LRRC66: variants seen among roughly 807,000 people sequenced by gnomAD.
LRRC66 encodes the protein leucine rich repeat containing 66.
Under a neutral mutation model 24.6 loss-of-function variants are expected in LRRC66, and 29 were observed. That is an observed-to-expected ratio of 1.18 (90% CI 0.88 to 1.61). The LOEUF (loss-of-function observed/expected upper bound fraction) is 1.61. LRRC66 is among the 40% of genes most tolerant of loss of function. LRRC66 has a pLI of 0.00. For missense variants in LRRC66, 1,124 were observed against 1,058.0 expected (o/e 1.06, Z -0.87); for synonymous variants, 411 against 397.6 (o/e 1.03, Z -0.40).
rs1161854763 is a variant in LRRC66, at chr4:51,995,551, A to G, written c.1471T>C (p.Cys491Arg). ...CTTCCTGCCCCGGTGTTGTCCCCGC[A>G]CTGTCCTGGGCTCTGCGAACTGCCA... The part of the protein sequence containing the change: ...DPGSSQSPGQ[C>R]GDNTGAGSGN... The change falls in exon 5 of 5, where the codon TGC becomes CGC. Residue 491 changes from cysteine (C) to arginine (R), a missense_variant. Cys to Arg is a radical substitution (Grantham distance 180). Transcript: ENST00000682860. 6.2e-7 allele frequency: 1 copy of G among 1,614,024 alleles called. No individual in the cohort carries two copies. The highest frequency in any genetic ancestry group is 2.2e-5 in the East Asian group (1 of 44,866).
chr4:52,003,497 G>T, intron 2 of LRRC66, 105 bp from the exon 3 acceptor site: 1 of 920,918 alleles, frequency 1.1e-6, no homozygotes, highest in Non-Finnish European at 1.7e-6. Context: ...TCTCAATTGA[G>T]GTATTGTTAA....
At position 51,999,412 on chromosome 4, in the gene LRRC66, G is replaced by A. The variant is rs141655272; in HGVS notation, c.667-1475C>T. The stretch of plus-strand genomic sequence containing the variant: ...TTTTTTGTGAACTTGGGTAATAAGC[G>A]TGAGTTTTCCATTAATGAATAGCCA... On this transcript the variant is annotated intron_variant, in intron 3 of 4. Coordinates refer to ENST00000682860, the MANE Select transcript of LRRC66 (RefSeq NM_001024611.3). Among the ~76,000 whole-genome samples the A allele has an allele frequency of 7.9e-5, 12 of 152,208 alleles. No homozygotes were observed. The East Asian group carries it at 2.1e-3, about 27-fold the overall frequency.
intron 2 of LRRC66, among the ~76,000 whole-genome samples, chr4:52,007,167 C>T (rs1295772026): frequency 6.6e-6 from 1 of 151,920 alleles, no homozygotes; most frequent in East Asian, 1.9e-4. Context: ...AGGTTTATTC[C>T]ACCTTTATCT....
intron 1 of LRRC66, chr4:52,018,477 G>T: frequency 1.0e-6 from 1 of 985,388 alleles, no homozygotes; most frequent in Non-Finnish European, 1.2e-6. Context: ...GAGTTTCCAA[G>T]AAATTGTCCC....
intron 2 of LRRC66, among the ~76,000 whole-genome samples, chr4:52,006,737 A>AC (rs1391180428): frequency 6.8e-6 from 1 of 147,514 alleles, no homozygotes; most frequent in Non-Finnish European, 1.5e-5. Flanking sequence ...AAGAAAAAAA[A>AC]ACAAAAACAA....
chr4:52,004,287 C>G (rs1034948746), intron 2 of LRRC66, among the ~76,000 whole-genome samples: 6 of 152,226 alleles, frequency 3.9e-5, no homozygotes, highest in African/African-American at 9.6e-5. Flanking sequence ...GGATTACAGG[C>G]ATAAGCCGCC....
Position 51,994,919 on chromosome 4 carries a change from A to C in LRRC66, c.2103T>G (p.Ser701Arg). Residue 701 changes from serine to arginine, a missense_variant, in exon 5 of 5, where the codon AGT becomes AGG. Ser to Arg is a moderately radical substitution (Grantham distance 110). Coordinates refer to ENST00000682860, the MANE Select transcript of LRRC66 (RefSeq NM_001024611.3). ...TPSDTCCELE[S>R]DCDSDEGSLF... ...GAGACCCCTCATCAGAGTCACAGTC[A>C]CTCTCCAACTCACAGCAAGTGTCAG... 1 of 1,613,980 alleles carries C rather than the reference A, an allele frequency of 6.2e-7. No homozygotes were observed. Among genetic ancestry groups the C allele is most frequent in the African/African-American group, 1.3e-5 (1 of 74,976 alleles).
chr4:52,016,582 G>A (rs988645528), intron 2 of LRRC66, among the ~76,000 whole-genome samples: 1 of 152,090 alleles, frequency 6.6e-6, no homozygotes, highest in African/African-American at 2.4e-5. Context: ...TACCCTGTTA[G>A]AAACTAGGAT....
intron 2 of LRRC66, among the ~76,000 whole-genome samples, chr4:52,004,583 C>T (rs1425946686): frequency 6.6e-6 from 1 of 152,162 alleles, no homozygotes; most frequent in Non-Finnish European, 1.5e-5. Flanking sequence ...CCATATGGGT[C>T]TCAGAAGGAA....
intron 2 of LRRC66, among the ~76,000 whole-genome samples, chr4:52,008,361 T>C (rs954057078): frequency 6.6e-6 from 1 of 152,118 alleles, no homozygotes; most frequent in Non-Finnish European, 1.5e-5. Flanking sequence ...ATAAGTATAA[T>C]ATGCCTGAAA....
At position 51,996,671 on chromosome 4, in the gene LRRC66, G is replaced by A. The variant is rs1383103464; in HGVS notation, c.857-506C>T. On this transcript the variant is annotated intron_variant, in intron 4 of 4. Coordinates refer to ENST00000682860, the MANE Select transcript of LRRC66 (RefSeq NM_001024611.3). ...GTTTAAAAATTTTATTCATTCATTC[G>A]TTTTTGTTTAATGCCAACAGCATGT... 3.3e-5 allele frequency among the ~76,000 whole-genome samples: 5 copies of A among 152,204 alleles called. 1 individual carries two copies. Among genetic ancestry groups the A allele is most frequent in the South Asian group, 4.2e-4 (2 of 4,810 alleles).
chr4:52,005,404 C>T (rs547262355), intron 2 of LRRC66, among the ~76,000 whole-genome samples: 1 of 152,160 alleles, frequency 6.6e-6, no homozygotes, highest in East Asian at 1.9e-4. Flanking sequence ...GAAGCCGAAG[C>T]GGGTGAATCA....
At chr4:52,002,508 G>A (rs1488610770) in intron 3 of LRRC66, among the ~76,000 whole-genome samples, 1 of 152,040 alleles carries the variant, frequency 6.6e-6, no homozygotes, top group Non-Finnish European at 1.5e-5. Context: ...GGAGGAGAAG[G>A]GGCTGAAGCT....
chr4:51,997,647 T>C, intron 4 of LRRC66, 101 bp downstream of exon 4: 1 of 1,075,372 alleles, frequency 9.3e-7, no homozygotes, highest in South Asian at 1.5e-5. Context: ...GATCAGCACT[T>C]TTGCTTTCAT....
intron 2 of LRRC66, among the ~76,000 whole-genome samples, chr4:52,007,767 C>T (rs1270763220): frequency 6.6e-6 from 1 of 152,128 alleles, no homozygotes; most frequent in South Asian, 2.1e-4. Flanking sequence ...GTGTTGTGAG[C>T]AAAGATCTGA....
intron 3 of LRRC66, among the ~76,000 whole-genome samples, chr4:52,002,689 A>G (rs1332105294): frequency 1.3e-5 from 2 of 152,256 alleles, no homozygotes; most frequent in Non-Finnish European, 2.9e-5. Flanking sequence ...CACATGCTAT[A>G]CAAGTATGGA....
At chr4:52,012,267 T>G (rs1255539826) in intron 2 of LRRC66, among the ~76,000 whole-genome samples, 2 of 152,116 alleles carry the variant, frequency 1.3e-5, no homozygotes, top group Non-Finnish European at 2.9e-5. Flanking sequence ...GTGATTTTGA[T>G]TTTGAATGCA....
In LRRC66 at chr4:51,994,818, A is replaced by G; in HGVS notation, c.2204T>C (p.Leu735Pro). The stretch of plus-strand genomic sequence containing the variant: ...GCTTGCCCCTGAGCTCTCGTCCTGC[A>G]GGGACTCCTCATCAGGCACTGCCTC... The part of the protein sequence containing the change: ...TEEAVPDEES[L>P]QDESSGASKD... The change falls in exon 5 of 5, where the codon CTG becomes CCG. Residue 735 changes from leucine (L) to proline (P), a missense_variant. Coordinates refer to ENST00000682860, the MANE Select transcript of LRRC66 (RefSeq NM_001024611.3). The G allele has an allele frequency of 3.1e-6, 5 of 1,614,234 alleles. No homozygotes were observed. Among genetic ancestry groups the G allele is most frequent in the East Asian group, 2.2e-5 (1 of 44,880 alleles).
At chr4:52,000,258 C>T (rs1010270491) in intron 3 of LRRC66, among the ~76,000 whole-genome samples, 1 of 152,154 alleles carries the variant, frequency 6.6e-6, no homozygotes, top group Admixed American at 6.5e-5. Context: ...CATCTATTAC[C>T]TGTGAGTTGC....
Sources: gnomAD v4.1 joint callset for allele counts (sites outside exome capture counted in the v4.1 genomes callset) on GRCh38, gnomAD v4.1.1 for gene constraint, MANE v1.5 for transcripts, NCBI Gene and HGNC (gene_info 2026-07-23, HGNC 2026-07-21) for gene names.